The following SERPINA11 variants were observed in gnomAD, a reference collection of about 807,000 sequenced individuals.
SERPINA11 encodes serpin A11.
Under a neutral mutation model 29.4 loss-of-function variants are expected in SERPINA11, and 28 were observed. That is an observed-to-expected ratio of 0.95 (90% CI 0.70 to 1.30). SERPINA11 has a LOEUF of 1.30. SERPINA11 is among the 50% of genes most tolerant of loss of function. SERPINA11 has a pLI of 0.00. For missense variants in SERPINA11, 530 were observed against 507.3 expected, an observed-to-expected ratio of 1.04 and a Z score of -0.43; for synonymous variants, 253 against 206.6, an observed-to-expected ratio of 1.22 and a Z score of -1.92.
Position 94,448,131 on chromosome 14 carries a change from C to T in SERPINA11, c.643+1G>A, listed in dbSNP as rs148495961. On this transcript the variant is annotated splice_donor_variant, in intron 2 of 4. Coordinates refer to ENST00000334708, the MANE Select transcript of SERPINA11 (RefSeq NM_001080451.2). LOFTEE classifies it high-confidence loss of function. ...AATAATTCTGTCAGAGCAAGCCTCA[C>T]CTTTGAAGAAGATGTAATTGGCAAG... The T allele has an allele frequency of 6.2e-7, 1 of 1,612,626 alleles. No homozygotes were observed.
Position 94,446,537 on chromosome 14 carries a change from C to T in SERPINA11, c.711G>A (p.Arg237=), listed in dbSNP as rs778074226. The T allele has an allele frequency of 6.2e-7, 1 of 1,614,016 alleles. No homozygotes were observed. The highest frequency in any genetic ancestry group is 8.5e-7 in the Non-Finnish European group (1 of 1,179,862). The change falls in exon 3 of 5, where the codon AGG becomes AGA. Residue 237 remains arginine (R), a synonymous_variant. Coordinates refer to ENST00000334708, the MANE Select transcript of SERPINA11 (RefSeq NM_001080451.2). ...QKQESFFVDE[R]TSLQVPMMHQ... Reference sequence around the variant, plus strand: ...GCATCATGGGGACCTGGAGAGAAGTCCTCTCATCCACAAAGAAACTTTCCT... The same window carrying T: ...GCATCATGGGGACCTGGAGAGAAGTTCTCTCATCCACAAAGAAACTTTCCT...
chr14:94,447,377 A>C (rs1403862313), intron 2 of SERPINA11, among the ~76,000 whole-genome samples: 1 of 152,146 alleles, frequency 6.6e-6, no homozygotes, highest in Non-Finnish European at 1.5e-5. Flanking sequence ...CCAATCAATG[A>C]CCAAGTATTG....
chr14:94,445,031 C>G (rs1268813219), intron 3 of SERPINA11, among the ~76,000 whole-genome samples: 1 of 152,196 alleles, frequency 6.6e-6, no homozygotes, highest in Admixed American at 6.5e-5. Flanking sequence ...CTGCCATATA[C>G]CAGTATTAAC....
At chr14:94,449,445 CTTTCTTTCTTTCTTTCTTTCT>C (rs1898531842) in intron 1 of SERPINA11, among the ~76,000 whole-genome samples, 1 of 109,978 alleles carries the variant, frequency 9.1e-6, no homozygotes, top group Non-Finnish European at 1.7e-5. Flanking sequence ...TTCTTTCTTT[CTTTCTTTCTTTCTTTCTTTCT>C]TTCTTTCTTT....
chr14:94,445,928 C>G (rs1314197219), intron 3 of SERPINA11, among the ~76,000 whole-genome samples: 3 of 152,086 alleles, frequency 2.0e-5, no homozygotes, highest in African/African-American at 7.2e-5. Context: ...TACTTAACCA[C>G]CTTCTGTTCC....
chr14:94,443,156 T>C lies in SERPINA11; in HGVS notation c.987A>G (p.Gln329=), dbSNP rs770534322. The change falls in exon 4 of 5, where the codon CAA becomes CAG. Residue 329 remains glutamine, a synonymous_variant. Coordinates refer to ENST00000334708, the MANE Select transcript of SERPINA11 (RefSeq NM_001080451.2). ...AGTTGAGTATGTTGGTGAGACCAAT[T>C]TGGGGAAGTATGTCTTCCAGGTTAT... is the stretch of plus-strand genomic sequence containing the variant. ...GTYNLEDILP[Q]IGLTNILNLE... 7.4e-6 allele frequency: 12 copies of C among 1,614,104 alleles called. No individual in the cohort carries two copies. The East Asian group carries it at 8.9e-5, about 12-fold the overall frequency.
rs546971840 is a variant in SERPINA11, at chr14:94,451,846, G to T, written c.-4+883C>A. Among the ~76,000 whole-genome samples the T allele has an allele frequency of 6.6e-5, 10 of 152,278 alleles. No individual in the cohort carries two copies. In the East Asian group the frequency reaches 1.3e-3, roughly 21 times the overall value. On this transcript the variant is annotated intron_variant, in intron 1 of 4. Transcript: ENST00000334708. ...GGCAGTTTTTTTCCCTTTCTATCAA[G>T]CCTGGGGTAATGATGCCCAATTCAT...
intron 2 of SERPINA11, among the ~76,000 whole-genome samples, chr14:94,447,773 A>G (rs971068544): frequency 6.6e-6 from 1 of 151,952 alleles, no homozygotes; most frequent in Non-Finnish European, 1.5e-5. Flanking sequence ...GTTTTTTTCA[A>G]CCTGAACCCT....
intron 1 of SERPINA11, among the ~76,000 whole-genome samples, chr14:94,450,676 C>G (rs1885067): frequency 6.6e-6 from 1 of 152,042 alleles, no homozygotes; most frequent in Non-Finnish European, 1.5e-5. Flanking sequence ...TGTGATATCT[C>G]TTGTGCTTTA....
chr14:94,442,755 C>T lies in SERPINA11; in HGVS notation c.1120G>A (p.Ala374Thr), dbSNP rs768932674. The T allele has an allele frequency of 1.9e-6, 3 of 1,613,182 alleles. No individual in the cohort carries two copies. Among genetic ancestry groups the T allele is most frequent in the Non-Finnish European group, 2.5e-6 (3 of 1,179,816 alleles). Reference sequence around the variant, plus strand: ...GGGGGCTGGGAGAGGAGGCCTGAAGCAGCCCCGGCCTCGGTCCCCTTCTCA... The same window carrying T: ...GGGGGCTGGGAGAGGAGGCCTGAAGTAGCCCCGGCCTCGGTCCCCTTCTCA... ...MSEKGTEAGA[A>T]SGLLSQPPSL... Residue 374 changes from alanine to threonine, a missense_variant, in exon 5 of 5, where the codon GCT becomes ACT. Transcript: ENST00000334708.
rs1330651176 is a variant in SERPINA11 at position 94,443,103 on chromosome 14, C to T, written c.1040G>A (p.Gly347Glu). The T allele has an allele frequency of 5.6e-6, 9 of 1,613,286 alleles. No individual in the cohort carries two copies. Among genetic ancestry groups the T allele is most frequent in the Non-Finnish European group, 7.6e-6 (9 of 1,179,724 alleles). ...NLEADFSGVT[G>E]QLNKTISKVS... ...CTTGGAGATGGTTTTGTTGAGCTGC[C>T]CAGTGACTCCTGAGAAGTCAGCTTC... The change falls in exon 4 of 5, where the codon GGG (glycine) becomes GAG (glutamate). Residue 347 changes from glycine (G) to glutamate (E), a missense_variant. Physicochemically the swap from Gly to Glu is moderately conservative, Grantham distance 98 (BLOSUM62 -2). Coordinates refer to ENST00000334708, the MANE Select transcript of SERPINA11 (RefSeq NM_001080451.2).
chr14:94,444,369 T>C (rs1898398463), intron 3 of SERPINA11, among the ~76,000 whole-genome samples: 1 of 150,390 alleles, frequency 6.6e-6, no homozygotes, highest in Non-Finnish European at 1.5e-5. Flanking sequence ...CCCCTAAAAA[T>C]GGATACTAAG....
Position 94,443,224 on chromosome 14 carries a change from G to T in SERPINA11, c.919C>A (p.Leu307Met), listed in dbSNP as rs1898377003. ...RKWGQLLLPS[L>M]LDLHLPRFSI... Reference sequence around the variant, plus strand: ...AACCTTGGCAAGTGCAAATCCAACAGACTGGAGAGAGAAACAGACAGAGAA... The same window carrying T: ...AACCTTGGCAAGTGCAAATCCAACATACTGGAGAGAGAAACAGACAGAGAA... Residue 307 changes from leucine (L) to methionine (M), a missense_variant and splice_region_variant, in exon 4 of 5, where the codon CTG (leucine) becomes ATG (methionine). Coordinates refer to ENST00000334708, the MANE Select transcript of SERPINA11 (RefSeq NM_001080451.2). 2 of 1,612,134 alleles carry T rather than the reference G, an allele frequency of 1.2e-6. No individual in the cohort carries two copies. The highest frequency in any genetic ancestry group is 1.7e-6 in the Non-Finnish European group (2 of 1,179,066).
At chr14:94,447,362 C>T (rs1336447490) in intron 2 of SERPINA11, among the ~76,000 whole-genome samples, 1 of 152,122 alleles carries the variant, frequency 6.6e-6, no homozygotes, top group African/African-American at 2.4e-5. Flanking sequence ...CCTACATACC[C>T]ACACCCAATC....
At position 94,448,277 on chromosome 14, in the gene SERPINA11, A is replaced by G. The variant is rs1358345172; in HGVS notation, c.498T>C (p.Phe166=). ...TAACAGAATCTGTGAAGTTGGCAGA[A>G]AAAGCAAAAGCTCCATAAAGCTCCT... ...SIKELYGAFA[F]SANFTDSVTT... The change falls in exon 2 of 5, where the codon TTT becomes TTC. Residue 166 remains phenylalanine, a synonymous_variant. Coordinates refer to ENST00000334708, the MANE Select transcript of SERPINA11 (RefSeq NM_001080451.2). 1 of 1,614,264 alleles carries G rather than the reference A, an allele frequency of 6.2e-7. No individual in the cohort carries two copies.
intron 1 of SERPINA11, among the ~76,000 whole-genome samples, chr14:94,449,483 G>T (rs5010309): frequency 0.24 from 13,667 of 57,486 alleles, 1,880 homozygotes; most frequent in African/African-American, 0.45. Context: ...CTTTCTTTCT[G>T]TCTGTCTGTC....
At chr14:94,452,351 C>T (rs1022644205) in intron 1 of SERPINA11, among the ~76,000 whole-genome samples, 13 of 152,152 alleles carry the variant, frequency 8.5e-5, no homozygotes, top group African/African-American at 3.1e-4. Context: ...AGCTCCTAAG[C>T]ACCCTTTTCA....
intron 1 of SERPINA11, among the ~76,000 whole-genome samples, chr14:94,450,300 T>C (rs902180506): frequency 6.6e-6 from 1 of 152,142 alleles, no homozygotes; most frequent in Admixed American, 6.5e-5. Flanking sequence ...AATAGGGTCA[T>C]TGGAGATGTA....
At position 94,448,520 on chromosome 14, in the gene SERPINA11, G is replaced by A; in HGVS notation, c.255C>T (p.Ala85=). 1 of 1,614,150 alleles carries A rather than the reference G, an allele frequency of 6.2e-7. No individual in the cohort carries two copies. The highest frequency in any genetic ancestry group is 8.5e-7 in the Non-Finnish European group (1 of 1,180,022). ...TAGCTTGGGCCCCAAGAGAGAGCAG[G>A]GCCAGGGTGGTGGAGATGCTCACTG... is the stretch of plus-strand genomic sequence containing the variant. ...FSPVSISTTL[A]LLSLGAQANT... is the part of the protein sequence containing the mutation. The change falls in exon 2 of 5, where the codon GCC becomes GCT. Residue 85 remains alanine (A), a synonymous_variant. Coordinates refer to ENST00000334708, the MANE Select transcript of SERPINA11 (RefSeq NM_001080451.2).
Sources: allele counts gnomAD v4.1 joint callset (sites outside exome capture counted in the v4.1 genomes callset), GRCh38; gene constraint gnomAD v4.1.1; transcripts MANE v1.5; gene names NCBI Gene and HGNC (gene_info 2026-07-23, HGNC 2026-07-21).